Variants in BCL7B observed in about 807,000 individuals in gnomAD.
BCL7B encodes B-cell CLL/lymphoma 7 protein family member B.
BCL7B carries 11 observed loss-of-function variants against 26.5 expected under a neutral mutation model. The observed-to-expected ratio is 0.42, with a 90% CI of 0.26 to 0.69. BCL7B has a LOEUF of 0.69. Ranked by LOEUF, BCL7B falls within the 30% of genes least tolerant of loss-of-function variation. The pLI is 0.28. For missense variants in BCL7B, 215 were observed against 264.4 expected, an observed-to-expected ratio of 0.81 and a Z score of 1.30; for synonymous variants, 111 against 107.9, an observed-to-expected ratio of 1.03 and a Z score of -0.18.
intron 2 of BCL7B, among the ~76,000 whole-genome samples, chr7:73,551,811 T>C (rs1050777842): frequency 8.6e-5 from 13 of 152,016 alleles, no homozygotes; most frequent in Non-Finnish European, 2.9e-5. Context: ...TAAAAGGCAA[T>C]TAGGCCGGGT....
At chr7:73,538,258 T>G (rs2115729860) in intron 4 of BCL7B, 1 of 353,192 alleles carries the variant, frequency 2.8e-6, no homozygotes, top group South Asian at 1.2e-4. Flanking sequence ...ACAAAGCAGC[T>G]CATCTTGTCA....
chr7:73,551,280 T>C (rs1792159176), intron 2 of BCL7B, among the ~76,000 whole-genome samples: 1 of 152,138 alleles, frequency 6.6e-6, no homozygotes, highest in African/African-American at 2.4e-5. Context: ...GTGGGCATAC[T>C]TATGTGTTTG....
Position 73,557,059 on chromosome 7 carries a change from T to C in BCL7B, c.92+428A>G, listed in dbSNP as rs527939912. On this transcript the variant is annotated intron_variant, in intron 1 of 5. Coordinates refer to ENST00000223368, the MANE Select transcript of BCL7B (RefSeq NM_001707.4). Reference sequence around the variant, plus strand: ...AACTCACCCAACTTCAACGCCTGAATACGCAGAGCGCTCAGCCTGGCGGGC... The same window carrying C: ...AACTCACCCAACTTCAACGCCTGAACACGCAGAGCGCTCAGCCTGGCGGGC... 1.9e-3 allele frequency: 1,867 copies of C among 987,842 alleles called. 1 individual carries two copies. The highest frequency in any genetic ancestry group is 2.0e-3 in the Non-Finnish European group (1,690 of 831,594). 61.2% of individuals were successfully genotyped at this position (987,842 alleles called of 1,614,324 possible). A position where few individuals can be genotyped will look rare whatever the true frequency, so the allele number is the denominator to read the frequency against.
chr7:73,551,291 G>T (rs1367950871), intron 2 of BCL7B, among the ~76,000 whole-genome samples: 7 of 151,752 alleles, frequency 4.6e-5, no homozygotes, highest in African/African-American at 9.7e-5. Context: ...TATGTGTTTG[G>T]TTTTTTTTGT....
intron 4 of BCL7B, 33 bp downstream of exon 4, chr7:73,539,849 T>C (rs1791687865): frequency 6.2e-7 from 1 of 1,603,650 alleles, no homozygotes; most frequent in Non-Finnish European, 8.5e-7. Context: ...AAGGCCCTTC[T>C]AGGAAACTCA....
chr7:73,541,069 C>T (rs2115748317), intron 3 of BCL7B, among the ~76,000 whole-genome samples: 1 of 152,220 alleles, frequency 6.6e-6, no homozygotes, highest in East Asian at 1.9e-4. Context: ...ATCGCTTGAA[C>T]CCGGGAGGTG....
At chr7:73,545,268 C>A (rs1791910534) in intron 2 of BCL7B, among the ~76,000 whole-genome samples, 1 of 151,992 alleles carries the variant, frequency 6.6e-6, no homozygotes, top group African/African-American at 2.4e-5. Context: ...GCTGGAGTGC[C>A]ATGGCACAAT....
intron 2 of BCL7B, among the ~76,000 whole-genome samples, chr7:73,548,137 AT>A (rs1792022347): frequency 6.6e-6 from 1 of 152,052 alleles, no homozygotes; most frequent in South Asian, 2.1e-4. Flanking sequence ...GGTGCATGAA[AT>A]TTTAGGCGAG....
rs924338734 is a variant in BCL7B at position 73,537,528 on chromosome 7, G to C, written c.517-138C>G. 9.1e-6 allele frequency: 6 copies of C among 659,204 alleles called. 1 individual carries two copies. The highest frequency in any genetic ancestry group is 5.5e-5 in the South Asian group (3 of 54,706). 40.8% of individuals were successfully genotyped at this position (659,204 alleles called of 1,614,324 possible). A position where few individuals can be genotyped will look rare whatever the true frequency, so the allele number is the denominator to read the frequency against. On this transcript the variant is annotated intron_variant, in intron 5 of 5. Transcript: ENST00000223368. ...CATCCTCCCCTGCCTACAACCCTGG[G>C]ACTCATTTCCGGCGCTGCAGATCCA...
chr7:73,547,157 A>C (rs1791986258), intron 2 of BCL7B, among the ~76,000 whole-genome samples: 1 of 151,282 alleles, frequency 6.6e-6, no homozygotes. Context: ...CATCTCAAAA[A>C]AAAAAGCAAG....
chr7:73,551,932 A>G (rs1278543947), intron 2 of BCL7B, among the ~76,000 whole-genome samples: 2 of 151,754 alleles, frequency 1.3e-5, no homozygotes, highest in East Asian at 3.9e-4. Context: ...CGTCTCTACT[A>G]AAAATACAAA....
chr7:73,538,001 G>A lies in BCL7B; in HGVS notation c.449C>T (p.Pro150Leu), dbSNP rs1196755031. 1 of 1,601,170 alleles carries A rather than the reference G, an allele frequency of 6.2e-7. No homozygotes were observed. The highest frequency in any genetic ancestry group is 8.5e-7 in the Non-Finnish European group (1 of 1,173,792). Residue 150 changes from proline (P) to leucine (L), a missense_variant, in exon 5 of 6, where the codon CCC becomes CTC. Physicochemically the swap from Pro to Leu is moderately conservative, Grantham distance 98. Transcript: ENST00000223368. ...GQEILEEPSL[P>L]SSEVADEPPT... Reference sequence around the variant, plus strand: ...AGGTTCATCAGCAACTTCCGAGGAGGGCAGGGAGGGCTCTGAAAAGGCAGT... The same window carrying A: ...AGGTTCATCAGCAACTTCCGAGGAGAGCAGGGAGGGCTCTGAAAAGGCAGT...
intron 4 of BCL7B, among the ~76,000 whole-genome samples, chr7:73,539,018 G>A (rs1390349655): frequency 6.6e-6 from 1 of 151,980 alleles, no homozygotes; most frequent in African/African-American, 2.4e-5. Context: ...GGAGTGCCCT[G>A]GTGCGATCTT....
Position 73,547,037 on chromosome 7 carries a change from C to A in BCL7B, c.169-3393G>T, listed in dbSNP as rs1004123458. On this transcript the variant is annotated intron_variant, in intron 2 of 5. Transcript: ENST00000223368. ...AAGTAGCTGGGCATGGTGAGGCAAG[C>A]GCTACTCGCGAGGCTGAGGCAGAAG... 5.3e-5 allele frequency among the ~76,000 whole-genome samples: 8 copies of A among 152,040 alleles called. No homozygotes were observed. The South Asian group carries it at 1.5e-3, about 28-fold the overall frequency.
chr7:73,550,227 A>G (rs1792105871), intron 2 of BCL7B, among the ~76,000 whole-genome samples: 1 of 152,188 alleles, frequency 6.6e-6, no homozygotes, highest in African/African-American at 2.4e-5. Context: ...TTCTATTTAT[A>G]TTTACAGATA....
chr7:73,552,869 C>T (rs2115819745), intron 1 of BCL7B, among the ~76,000 whole-genome samples: 1 of 152,202 alleles, frequency 6.6e-6, no homozygotes, highest in Admixed American at 6.5e-5. Context: ...ATGCGAGTTA[C>T]TTTGAGTGCT....
At position 73,537,299 on chromosome 7, in the gene BCL7B, T is replaced by C. The variant is rs781793182; in HGVS notation, c.608A>G (p.Ter203TrpextTer57). Residue 203 changes from the stop codon to tryptophan (W), a stop_lost, in exon 6 of 6, where the codon TAG becomes TGG. Transcript: ENST00000223368. ...PTVPQTASES[*>W] The stretch of plus-strand genomic sequence containing the variant: ...AGGAGGCGGAGGGCCGGGATGGTGC[T>C]AGCTTTCTGACGCCGTCTGCGGCAC... 6.2e-7 allele frequency: 1 copy of C among 1,614,030 alleles called. No homozygotes were observed.
chr7:73,542,822 G>A (rs1554583016), intron 3 of BCL7B: 4 of 439,094 alleles, frequency 9.1e-6, no homozygotes, highest in Non-Finnish European at 1.8e-5. Context: ...AGTGGCTCAT[G>A]CTTGTACCTT....
intron 1 of BCL7B, among the ~76,000 whole-genome samples, chr7:73,556,774 C>T (rs1554584756): frequency 6.6e-6 from 1 of 152,220 alleles, no homozygotes. Flanking sequence ...TTAAAAAGAC[C>T]ACTCTGCTAC....
Sources: gnomAD v4.1 joint callset for allele counts (sites outside exome capture counted in the v4.1 genomes callset) on GRCh38, gnomAD v4.1.1 for gene constraint, MANE v1.5 for transcripts, NCBI Gene and HGNC (gene_info 2026-07-23, HGNC 2026-07-21) for gene names.